The following BTN2A2 variants were observed in gnomAD, a reference collection of about 807,000 sequenced individuals.
The protein encoded by BTN2A2 is butyrophilin 2.
In BTN2A2, 29 loss-of-function variants were observed where a neutral mutation model predicts 34.7. The observed-to-expected ratio is 0.84, with a 90% confidence interval of 0.62 to 1.14. The LOEUF (loss-of-function observed/expected upper bound fraction) is 1.14. BTN2A2 is among the 50% of genes most tolerant of loss of function. The pLI is 0.00. For missense variants in BTN2A2, 612 were observed against 651.5 expected, an observed-to-expected ratio of 0.94 and a Z score of 0.66; for synonymous variants, 240 against 253.1, an observed-to-expected ratio of 0.95 and a Z score of 0.49.
rs1761672701 is a variant in BTN2A2 at position 26,392,702 on chromosome 6, T to C, written c.1307T>C (p.Ile436Thr). The C allele has an allele frequency of 7.4e-6, 12 of 1,614,202 alleles. No individual in the cohort carries two copies. The highest frequency in any genetic ancestry group is 1.0e-5 in the Non-Finnish European group (12 of 1,180,018). Residue 436 changes from isoleucine to threonine, a missense_variant, in exon 8 of 8, where the codon ATT becomes ACT. By Grantham distance (89) the Ile-to-Thr change is moderately conservative (BLOSUM62 -1). Coordinates refer to ENST00000356709, the MANE Select transcript of BTN2A2 (RefSeq NM_006995.5). Reference protein sequence around the residue: ...QYRALSSPERILPLKESLCRV... With the variant: ...QYRALSSPERTLPLKESLCRV... ...CGGGCCCTGTCCTCCCCTGAGAGGA[T>C]TCTCCCTTTGAAGGAGTCCCTTTGC... is the stretch of plus-strand genomic sequence containing the variant.
At chr6:26,389,980 T>G in intron 4 of BTN2A2, 25 bp from the exon 5 acceptor site, 1 of 1,608,268 alleles carries the variant, frequency 6.2e-7, no homozygotes, top group Non-Finnish European at 8.5e-7. Flanking sequence ...TCAAACTAAA[T>G]GGACTTTTCT....
At chr6:26,386,018 A>T (rs1761180749) in intron 3 of BTN2A2, among the ~76,000 whole-genome samples, 1 of 152,244 alleles carries the variant, frequency 6.6e-6, no homozygotes. Context: ...ATCAGAATCA[A>T]TAAGAACTGC....
rs1240896817 is a variant in BTN2A2 at position 26,392,374 on chromosome 6, G to A, written c.980-1G>A. On this transcript the variant is annotated splice_acceptor_variant, in intron 7 of 7. Transcript: ENST00000356709. LOFTEE classifies it high-confidence loss of function. ...GCATAAACCTGAGACTTCCTCTGCA[G>A]CTGATGTGGTCCTGGATCCAGACAC... 1 of 1,614,094 alleles carries A rather than the reference G, an allele frequency of 6.2e-7. No homozygotes were observed. The highest frequency in any genetic ancestry group is 2.2e-5 in the East Asian group (1 of 44,872).
chr6:26,393,082 A>C lies in BTN2A2; in HGVS notation c.*115A>C. 1 of 1,610,888 alleles carries C rather than the reference A, an allele frequency of 6.2e-7. No homozygotes were observed. Among genetic ancestry groups the C allele is most frequent in the South Asian group, 1.1e-5 (1 of 90,296 alleles). The stretch of plus-strand genomic sequence containing the variant: ...CTCCCCTCTGGTCACGTAAGAGAAC[A>C]TCTTCCAGCTGCCTTTTTCACACCC... On this transcript the variant is annotated 3_prime_UTR_variant, in exon 8 of 8. Coordinates refer to ENST00000356709, the MANE Select transcript of BTN2A2 (RefSeq NM_006995.5).
chr6:26,387,918 C>T (rs1426873708), intron 3 of BTN2A2, 95 bp from the exon 4 acceptor site: 3 of 1,354,948 alleles, frequency 2.2e-6, no homozygotes, highest in Non-Finnish European at 3.0e-6. Flanking sequence ...CTGATGTTCT[C>T]CAAAACCAAG....
chr6:26,388,255 C>T lies in BTN2A2; in HGVS notation c.685C>T (p.Leu229=). Residue 229 remains leucine (L), a synonymous_variant, in exon 4 of 8, where the codon CTG becomes TTG. Coordinates refer to ENST00000356709, the MANE Select transcript of BTN2A2 (RefSeq NM_006995.5). ...RNVSCSVNNT[L]LGQEKETVIF... ...TGTGTCCTGCTCTGTCAACAACACC[C>T]TGCTCGGCCAGGAGAAGGAAACTGT... The T allele has an allele frequency of 6.2e-7, 1 of 1,614,218 alleles. No individual in the cohort carries two copies. Among genetic ancestry groups the T allele is most frequent in the Non-Finnish European group, 8.5e-7 (1 of 1,180,036 alleles).
chr6:26,383,864 C>T lies in BTN2A2; in HGVS notation c.43C>T (p.Leu15Phe), dbSNP rs546542545. ...TCTGCACTTCTCCCTGCCAGCCTCC[C>T]TCCTCCTCCTCCTGCTCCTCCTCCT... ...AALHFSLPAS[L>F]LLLLLLLLLS... Residue 15 changes from leucine (L) to phenylalanine (F), a missense_variant, in exon 2 of 8, where the codon CTC (leucine) becomes TTC (phenylalanine). By Grantham distance (22) the Leu-to-Phe change is conservative. Coordinates refer to ENST00000356709, the MANE Select transcript of BTN2A2 (RefSeq NM_006995.5). The surrounding 1 kb of genome is among the most constrained non-coding windows in gnomAD (Gnocchi z 4.4). 2.5e-6 allele frequency: 4 copies of T among 1,595,306 alleles called. No homozygotes were observed. The highest frequency in any genetic ancestry group is 2.3e-5 in the East Asian group (1 of 44,078).
chr6:26,392,201 T>C, intron 7 of BTN2A2, 174 bp from the exon 8 acceptor site: 1 of 1,537,108 alleles, frequency 6.5e-7, no homozygotes, highest in Non-Finnish European at 8.8e-7. Flanking sequence ...GAGATAGAAG[T>C]GCAGCTTCCG....
In BTN2A2 at chr6:26,393,032, C is replaced by T. The variant is rs750654753; in HGVS notation, c.*65C>T. On this transcript the variant is annotated 3_prime_UTR_variant, in exon 8 of 8. Transcript: ENST00000356709. ...GGCCATCTCAGCAGCCACCGCACAA[C>T]CCCCCTAATGAAAGACACGCCCTCC... is the stretch of plus-strand genomic sequence containing the variant. 30 of 1,612,690 alleles carry T rather than the reference C, an allele frequency of 1.9e-5. No homozygotes were observed. The highest frequency in any genetic ancestry group is 1.4e-4 in the South Asian group (13 of 90,890).
rs764703476 is a variant in BTN2A2, at chr6:26,390,866, C to T, written c.979+37C>T. On this transcript the variant is annotated intron_variant, in intron 7 of 7. Coordinates refer to ENST00000356709, the MANE Select transcript of BTN2A2 (RefSeq NM_006995.5). Reference sequence around the variant, plus strand: ...TGATGTTCTCTCAGATCTCAGCTTTCTCCCCACTAGCCAGCTAACAGGACT... The same window carrying T: ...TGATGTTCTCTCAGATCTCAGCTTTTTCCCCACTAGCCAGCTAACAGGACT... 1.1e-4 allele frequency: 171 copies of T among 1,613,470 alleles called. 1 individual carries two copies. In the Admixed American group the frequency reaches 2.8e-3, roughly 27 times the overall value.
In BTN2A2 at chr6:26,383,615, C is replaced by T. The variant is rs894644431; in HGVS notation, c.-30-177C>T. 6.7e-6 allele frequency: 4 copies of T among 599,844 alleles called. No individual in the cohort carries two copies. The highest frequency in any genetic ancestry group is 3.7e-5 in the African/African-American group (2 of 53,736). The allele number at this position is 599,844 out of a possible 1,614,324, so 37.2% of individuals were successfully genotyped here. A position where few individuals can be genotyped will look rare whatever the true frequency, so the allele number is the denominator to read the frequency against. ...GCCCCCTTGATCTCTGCATTGATGG[C>T]TTACTTATGGAATGTTTACGGAATC... On this transcript the variant is annotated intron_variant, in intron 1 of 7. Transcript: ENST00000356709. This position sits in a 1 kb window ranked among gnomAD's most constrained non-coding sequence, Gnocchi z 4.4.
At chr6:26,387,130 C>A (rs1761251620) in intron 3 of BTN2A2, among the ~76,000 whole-genome samples, 1 of 152,080 alleles carries the variant, frequency 6.6e-6, no homozygotes, top group African/African-American at 2.4e-5. Flanking sequence ...TTAGGATGAG[C>A]CTGAATTATT....
chr6:26,388,319 T>C (rs1003031082), intron 4 of BTN2A2, 25 bp downstream of exon 4: 1 of 1,610,718 alleles, frequency 6.2e-7, no homozygotes, highest in African/African-American at 1.3e-5. Flanking sequence ...CTCTGAGACC[T>C]ATCAAGTGTA....
chr6:26,387,567 C>CAAA, intron 3 of BTN2A2, among the ~76,000 whole-genome samples: 1 of 47,170 alleles, frequency 2.1e-5, no homozygotes, highest in Admixed American at 2.3e-4. Context: ...CCCATCTCTA[C>CAAA]AAAAAAAAAA....
chr6:26,388,742 T>A (rs1389214936), intron 4 of BTN2A2, among the ~76,000 whole-genome samples: 2 of 152,210 alleles, frequency 1.3e-5, no homozygotes, highest in African/African-American at 2.4e-5. Context: ...CAAGCATTTC[T>A]TATGTTTAAG....
At position 26,383,872 on chromosome 6, in the gene BTN2A2, C is replaced by A; in HGVS notation, c.51C>A (p.Leu17=). ...LHFSLPASLL[L]LLLLLLLSLC... ...TCTCCCTGCCAGCCTCCCTCCTCCTCCTCCTGCTCCTCCTCCTTCTCAGCC... is the reference window on the plus strand; with the variant it reads ...TCTCCCTGCCAGCCTCCCTCCTCCTACTCCTGCTCCTCCTCCTTCTCAGCC... The change falls in exon 2 of 8, where the codon CTC becomes CTA. Residue 17 remains leucine (L), a synonymous_variant. Coordinates refer to ENST00000356709, the MANE Select transcript of BTN2A2 (RefSeq NM_006995.5). The surrounding 1 kb of genome is among the most constrained non-coding windows in gnomAD (Gnocchi z 4.4). 1 of 1,614,152 alleles carries A rather than the reference C, an allele frequency of 6.2e-7. No homozygotes were observed. Among genetic ancestry groups the A allele is most frequent in the Non-Finnish European group, 8.5e-7 (1 of 1,180,022 alleles).
In BTN2A2 at chr6:26,384,936, G is replaced by T. The variant is rs1761087538; in HGVS notation, c.95-79G>T. ...TCCCTGGAGTTTTTTTTGTTTGTTT[G>T]TTTTTGTTTTTTGTTTTTTGTTTTG... On this transcript the variant is annotated intron_variant, in intron 2 of 7. Coordinates refer to ENST00000356709, the MANE Select transcript of BTN2A2 (RefSeq NM_006995.5). This position sits in a 1 kb window ranked among gnomAD's most constrained non-coding sequence, Gnocchi z 4.0. The T allele has an allele frequency of 2.2e-6, 3 of 1,394,308 alleles. No homozygotes were observed. Among genetic ancestry groups the T allele is most frequent in the Admixed American group, 2.5e-5 (1 of 39,924 alleles). 86.4% of individuals were successfully genotyped at this position (1,394,308 alleles called of 1,614,324 possible).
Position 26,385,355 on chromosome 6 carries a change from G to T in BTN2A2, c.435G>T (p.Val145=). The part of the protein sequence containing the change: ...RSYDEAILRL[V]VAGLGSKPLI... The stretch of plus-strand genomic sequence containing the variant: ...ACGATGAGGCCATCCTACGCCTCGT[G>T]GTGGCAGGTGCATCACTTCATTTTG... Residue 145 remains valine, a synonymous_variant, in exon 3 of 8, where the codon GTG becomes GTT. Transcript: ENST00000356709. 1 of 1,612,142 alleles carries T rather than the reference G, an allele frequency of 6.2e-7. No homozygotes were observed. Among genetic ancestry groups the T allele is most frequent in the East Asian group, 2.2e-5 (1 of 44,820 alleles).
chr6:26,393,303 T>C lies in BTN2A2; in HGVS notation c.*336T>C. On this transcript the variant is annotated 3_prime_UTR_variant, in exon 8 of 8. Transcript: ENST00000356709. Reference sequence around the variant, plus strand: ...CAGGATAACCACATTAAGCCCAATATGCCAGTTGGCACCAGATGCTGTGGA... The same window carrying C: ...CAGGATAACCACATTAAGCCCAATACGCCAGTTGGCACCAGATGCTGTGGA... 7.8e-7 allele frequency: 1 copy of C among 1,284,442 alleles called. No homozygotes were observed. The highest frequency in any genetic ancestry group is 1.0e-6 in the Non-Finnish European group (1 of 1,002,006). 79.6% of individuals were successfully genotyped at this position (1,284,442 alleles called of 1,614,324 possible).
Sources: allele counts gnomAD v4.1 joint callset (sites outside exome capture counted in the v4.1 genomes callset), GRCh38; gene constraint gnomAD v4.1.1; non-coding constraint Gnocchi (gnomAD v3.1); transcripts MANE v1.5; gene names NCBI Gene and HGNC (gene_info 2026-07-23, HGNC 2026-07-21).